Variants in TMEFF1 observed in about 807,000 individuals in gnomAD.
TMEFF1 encodes the protein transmembrane protein with EGF like and two follistatin like domains 1, also known as tomoregulin-1.
Under a neutral mutation model 47.5 loss-of-function variants are expected in TMEFF1, and 20 were observed. The ratio of observed to expected loss-of-function variants is 0.42; its 90% CI spans 0.30 to 0.61. The LOEUF is 0.61. Ranked by LOEUF, TMEFF1 falls within the 20% of genes least tolerant of loss-of-function variation. The pLI, the probability that TMEFF1 is intolerant of heterozygous loss-of-function variation, is 0.19. For missense variants in TMEFF1, 411 were observed against 471.1 expected (o/e 0.87, Z 1.18); for synonymous variants, 162 against 166.3 (o/e 0.97, Z 0.20).
chr9:100,515,395 A>G (rs915050492), intron 4 of TMEFF1, among the ~76,000 whole-genome samples: 1 of 152,128 alleles, frequency 6.6e-6, no homozygotes, highest in African/African-American at 2.4e-5. Context: ...GAATATTTCT[A>G]TTTAAGGACA....
chr9:100,538,080 A>G (rs1838554871), intron 5 of TMEFF1, among the ~76,000 whole-genome samples: 2 of 151,728 alleles, frequency 1.3e-5, no homozygotes, highest in African/African-American at 4.8e-5. Flanking sequence ...TTTTTGAGAC[A>G]GACTCTCATG....
Position 100,473,986 on chromosome 9 carries a change from G to T in TMEFF1, c.196+246G>T, listed in dbSNP as rs910621466. On this transcript the variant is annotated intron_variant, in intron 1 of 9. Coordinates refer to ENST00000374879, the MANE Select transcript of TMEFF1 (RefSeq NM_003692.5). This position sits in a 1 kb window ranked among gnomAD's most constrained non-coding sequence, Gnocchi z 5.4. Reference sequence around the variant, plus strand: ...TGGCTGGGCGAGGGCGGCCCGGCGTGTGGGGAGGCGGTGGGGCCGGGGCCG... The same window carrying T: ...TGGCTGGGCGAGGGCGGCCCGGCGTTTGGGGAGGCGGTGGGGCCGGGGCCG... Among the ~76,000 whole-genome samples the T allele has an allele frequency of 4.6e-5, 7 of 151,716 alleles. No individual in the cohort carries two copies. Among genetic ancestry groups the T allele is most frequent in the Non-Finnish European group, 8.8e-5 (6 of 67,962 alleles).
At chr9:100,568,952 CAT>C (rs1271107365) in intron 8 of TMEFF1, among the ~76,000 whole-genome samples, 1 of 152,160 alleles carries the variant, frequency 6.6e-6, no homozygotes, top group Non-Finnish European at 1.5e-5. Flanking sequence ...GATGACACCA[CAT>C]GTTTTTAATC....
rs373324496 is a variant in TMEFF1 at position 100,503,292 on chromosome 9, C to A, written c.306+4418C>A. ...TAATAAGAGCTATTATCTTGCCACA[C>A]ATATAAACAAAGCCACTTTTGCTAA... On this transcript the variant is annotated intron_variant, in intron 2 of 9. Transcript: ENST00000374879. Among the ~76,000 whole-genome samples the A allele has an allele frequency of 3.3e-5, 5 of 151,788 alleles. No homozygotes were observed. In the East Asian group the frequency reaches 9.7e-4, roughly 29 times the overall value.
intron 7 of TMEFF1, among the ~76,000 whole-genome samples, chr9:100,553,372 A>G (rs1299737741): frequency 6.6e-6 from 1 of 152,226 alleles, no homozygotes; most frequent in Non-Finnish European, 1.5e-5. Flanking sequence ...CACGTCTGCA[A>G]CACACAGCCA....
intron 2 of TMEFF1, among the ~76,000 whole-genome samples, chr9:100,503,248 G>GT (rs545625037): frequency 6.9e-4 from 98 of 141,878 alleles, no homozygotes; most frequent in Middle Eastern, 3.6e-3. Flanking sequence ...AATTCAAATT[G>GT]TTTTTTTTTT....
In TMEFF1 at chr9:100,508,423, C is replaced by G. The variant is rs181348108; in HGVS notation, c.307-582C>G. Among the ~76,000 whole-genome samples the G allele has an allele frequency of 4.8e-3, 728 of 152,116 alleles. 8 individuals are homozygous for G. Among genetic ancestry groups the G allele is most frequent in the South Asian group, 0.026 (125 of 4,814 alleles). ...TCTCTGAGGATGCTTTTCTTGAATA[C>G]TTCAGCTTACAATAATAGGTATTAG... On this transcript the variant is annotated intron_variant, in intron 2 of 9. Coordinates refer to ENST00000374879, the MANE Select transcript of TMEFF1 (RefSeq NM_003692.5).
intron 4 of TMEFF1, among the ~76,000 whole-genome samples, chr9:100,514,849 G>A (rs1287245336): frequency 1.3e-5 from 2 of 152,064 alleles, no homozygotes; most frequent in Non-Finnish European, 2.9e-5. Flanking sequence ...GCAAAAATTA[G>A]CCAGGCGTGG....
chr9:100,561,616 A>G (rs1470879417), intron 8 of TMEFF1, 96 bp downstream of exon 8: 1 of 1,384,630 alleles, frequency 7.2e-7, no homozygotes, highest in Non-Finnish European at 9.4e-7. Context: ...ATATTACCAG[A>G]AAGTAGTGTT....
chr9:100,479,761 A>G (rs944943005), intron 1 of TMEFF1, among the ~76,000 whole-genome samples: 9 of 152,120 alleles, frequency 5.9e-5, no homozygotes, highest in Non-Finnish European at 1.0e-4. Flanking sequence ...TTGCATATCC[A>G]TTTCTCTACT....
Position 100,561,327 on chromosome 9 carries a change from A to T in TMEFF1, c.776-70A>T, listed in dbSNP as rs966737764. 5.1e-6 allele frequency: 8 copies of T among 1,565,320 alleles called. No homozygotes were observed. The African/African-American group carries it at 1.1e-4, about 22-fold the overall frequency. Reference sequence around the variant, plus strand: ...TGGGTGAATTCATTTGCTGTTTCAGAACATTTGAAAAGTCCTTATTTTTCA... The same window carrying T: ...TGGGTGAATTCATTTGCTGTTTCAGTACATTTGAAAAGTCCTTATTTTTCA... On this transcript the variant is annotated intron_variant, in intron 7 of 9. Transcript: ENST00000374879.
At position 100,576,557 on chromosome 9, in the gene TMEFF1, A is replaced by G; in HGVS notation, c.1100A>G (p.Asn367Ser). The G allele has an allele frequency of 1.2e-6, 2 of 1,613,406 alleles. No individual in the cohort carries two copies. The highest frequency in any genetic ancestry group is 1.7e-6 in the Non-Finnish European group (2 of 1,179,664). Residue 367 changes from asparagine to serine, a missense_variant, in exon 10 of 10, where the codon AAC (asparagine) becomes AGC (serine). Coordinates refer to ENST00000374879, the MANE Select transcript of TMEFF1 (RefSeq NM_003692.5). The part of the protein sequence containing the change: ...KNNRGRRQKQ[N>S]LGHFTSDTSS... The stretch of plus-strand genomic sequence containing the variant: ...AATAGAGGACGTCGACAGAAGCAAA[A>G]CCTAGGTCATTTTACTTCAGATACG...
rs1837166908 is a variant in TMEFF1 at position 100,473,806 on chromosome 9, T to C, written c.196+66T>C. 1 of 1,394,608 alleles carries C rather than the reference T, an allele frequency of 7.2e-7. No homozygotes were observed. The highest frequency in any genetic ancestry group is 2.9e-5 in the Admixed American group (1 of 35,082). The allele number at this position is 1,394,608 out of a possible 1,614,324, so 86.4% of individuals were successfully genotyped here. A position where few individuals can be genotyped will look rare whatever the true frequency, so the allele number is the denominator to read the frequency against. On this transcript the variant is annotated intron_variant, in intron 1 of 9. Coordinates refer to ENST00000374879, the MANE Select transcript of TMEFF1 (RefSeq NM_003692.5). This position sits in a 1 kb window ranked among gnomAD's most constrained non-coding sequence, Gnocchi z 5.4. Reference sequence around the variant, plus strand: ...CCGTTGCCGCCTCCCTCGTGGTCCCTGCGGTCGGCCGGGCTGGGAAAGACC... The same window carrying C: ...CCGTTGCCGCCTCCCTCGTGGTCCCCGCGGTCGGCCGGGCTGGGAAAGACC...
intron 2 of TMEFF1, 115 bp from the exon 3 acceptor site, chr9:100,508,890 C>A: frequency 8.1e-7 from 1 of 1,239,098 alleles, no homozygotes; most frequent in Non-Finnish European, 1.0e-6. Context: ...AAAAAAACCC[C>A]AGACTATTCA....
intron 5 of TMEFF1, among the ~76,000 whole-genome samples, chr9:100,546,909 A>G (rs1838743594): frequency 6.6e-6 from 1 of 152,172 alleles, no homozygotes; most frequent in East Asian, 1.9e-4. Flanking sequence ...TTCAGTGGAT[A>G]CTCAGTTACA....
chr9:100,523,762 A>G (rs1048544616), intron 5 of TMEFF1, among the ~76,000 whole-genome samples: 2 of 152,218 alleles, frequency 1.3e-5, no homozygotes, highest in African/African-American at 4.8e-5. Flanking sequence ...GTTTTTCAGT[A>G]ATAATACCAT....
chr9:100,536,828 G>A (rs936400408), intron 5 of TMEFF1, among the ~76,000 whole-genome samples: 2 of 152,142 alleles, frequency 1.3e-5, no homozygotes, highest in African/African-American at 4.8e-5. Flanking sequence ...TGCAATTCTA[G>A]CTGGTTAACA....
At chr9:100,507,501 G>A (rs1837884721) in intron 2 of TMEFF1, among the ~76,000 whole-genome samples, 1 of 152,068 alleles carries the variant, frequency 6.6e-6, no homozygotes, top group Non-Finnish European at 1.5e-5. Flanking sequence ...TTTCTTTGCA[G>A]TCCCACAAGC....
At chr9:100,553,773 A>T (rs1838868349) in intron 7 of TMEFF1, among the ~76,000 whole-genome samples, 1 of 152,224 alleles carries the variant, frequency 6.6e-6, no homozygotes, top group Non-Finnish European at 1.5e-5. Context: ...ACCCACCTTC[A>T]GCAGCTGTCA....
Sources: allele counts gnomAD v4.1 joint callset (sites outside exome capture counted in the v4.1 genomes callset), GRCh38; gene constraint gnomAD v4.1.1; non-coding constraint Gnocchi (gnomAD v3.1); transcripts MANE v1.5; gene names NCBI Gene and HGNC (gene_info 2026-07-23, HGNC 2026-07-21).